The following VWA8 variants were observed in gnomAD, a reference collection of about 807,000 sequenced individuals.
The protein encoded by VWA8 is von Willebrand factor A domain-containing protein 8.
VWA8 carries 221 observed loss-of-function variants against 241.5 expected under a neutral mutation model. The observed-to-expected ratio is 0.91, with a 90% confidence interval of 0.82 to 1.02. The LOEUF (loss-of-function observed/expected upper bound fraction) is 1.02. Ranked by LOEUF, VWA8 falls within the 50% of genes least tolerant of loss-of-function variation. VWA8 has a pLI of 0.00. For synonymous variants in VWA8, 852 were observed against 827.1 expected (o/e 1.03, Z -0.52); for missense variants, 2,322 against 2,328.7 (o/e 1.00, Z 0.06).
chr13:41,605,592 T>A lies in VWA8; in HGVS notation c.4878-316A>T, dbSNP rs986124384. Among the ~76,000 whole-genome samples, 157 of 152,290 alleles carry A rather than the reference T, an allele frequency of 1.0e-3. 1 individual carries two copies. Among genetic ancestry groups the A allele is most frequent in the Non-Finnish European group, 1.2e-4 (8 of 68,014 alleles). On this transcript the variant is annotated intron_variant, in intron 39 of 44. Transcript: ENST00000379310. Reference sequence around the variant, plus strand: ...ATGAACAGTGAGTTGGAAAAAAATGTGCACAATTGACTCTCATGAGCCAGT... The same window carrying A: ...ATGAACAGTGAGTTGGAAAAAAATGAGCACAATTGACTCTCATGAGCCAGT...
At chr13:41,676,061 A>G (rs1040474261) in intron 35 of VWA8, among the ~76,000 whole-genome samples, 5 of 152,262 alleles carry the variant, frequency 3.3e-5, no homozygotes, top group Admixed American at 2.6e-4. Flanking sequence ...CCTAAAGTTT[A>G]AAATCCTGAA....
intron 12 of VWA8, among the ~76,000 whole-genome samples, chr13:41,861,456 A>G (rs1189106625): frequency 6.6e-6 from 1 of 152,208 alleles, no homozygotes; most frequent in African/African-American, 2.4e-5. Flanking sequence ...TCCTAGCCAG[A>G]GTAATCAGGC....
chr13:41,952,419 T>C (rs1341140051), intron 1 of VWA8, among the ~76,000 whole-genome samples: 1 of 152,226 alleles, frequency 6.6e-6, no homozygotes, highest in Non-Finnish European at 1.5e-5. Context: ...AGCTTTTCTT[T>C]TAAAAGATAA....
intron 14 of VWA8, among the ~76,000 whole-genome samples, chr13:41,821,372 CTT>C (rs892571033): frequency 2.6e-5 from 4 of 152,056 alleles, no homozygotes; most frequent in Admixed American, 1.3e-4. Flanking sequence ...TGAGAAGGGC[CTT>C]TTTGTTTGCT....
chr13:41,613,016 G>T (rs766125720), intron 38 of VWA8, among the ~76,000 whole-genome samples: 2 of 152,084 alleles, frequency 1.3e-5, no homozygotes, highest in Admixed American at 1.3e-4. Context: ...ATTAAACAAA[G>T]CCTAGTTACA....
At chr13:41,758,320 CTACTG>C (rs1421540228) in intron 21 of VWA8, among the ~76,000 whole-genome samples, 13 of 139,598 alleles carry the variant, frequency 9.3e-5, no homozygotes, top group Non-Finnish European at 1.7e-4. Flanking sequence ...ATTCTTTATA[CTACTG>C]TAAATAGTAT....
intron 37 of VWA8, among the ~76,000 whole-genome samples, chr13:41,629,790 C>T (rs183995822): frequency 1.8e-4 from 28 of 152,266 alleles, no homozygotes; most frequent in Non-Finnish European, 2.8e-4. Flanking sequence ...CAGGTAGCTT[C>T]TATGTGTTTC....
chr13:41,886,705 A>T, intron 7 of VWA8, 76 bp downstream of exon 7: 1 of 1,192,996 alleles, frequency 8.4e-7, no homozygotes. Flanking sequence ...TGACTGAATT[A>T]ATTAATCAAT....
At chr13:41,680,063 A>G (rs2045088156) in intron 35 of VWA8, among the ~76,000 whole-genome samples, 1 of 151,934 alleles carries the variant, frequency 6.6e-6, no homozygotes, top group African/African-American at 2.4e-5. Flanking sequence ...AAACATTCAT[A>G]TAATTTTGCT....
intron 17 of VWA8, among the ~76,000 whole-genome samples, chr13:41,789,176 C>T (rs577558287): frequency 1.6e-4 from 24 of 152,212 alleles, no homozygotes; most frequent in South Asian, 6.2e-4. Flanking sequence ...ACATATCAGG[C>T]GGTGTAAGGC....
chr13:41,884,598 G>A (rs1375224369), intron 8 of VWA8, among the ~76,000 whole-genome samples: 1 of 149,620 alleles, frequency 6.7e-6, no homozygotes, highest in Non-Finnish European at 1.5e-5. Flanking sequence ...AAAGAAAAAA[G>A]CACATGCAAA....
At chr13:41,732,248 A>C in intron 21 of VWA8, 93 bp from the exon 22 acceptor site, 2 of 1,203,414 alleles carry the variant, frequency 1.7e-6, no homozygotes. Flanking sequence ...TTTTTAAAAG[A>C]TTTTTGTTCA....
At chr13:41,847,101 GAA>G (rs1872323010) in intron 12 of VWA8, among the ~76,000 whole-genome samples, 1 of 152,104 alleles carries the variant, frequency 6.6e-6, no homozygotes. Context: ...TATGAAGAGA[GAA>G]AGAGAGAGAA....
intron 2 of VWA8, among the ~76,000 whole-genome samples, chr13:41,928,690 A>C (rs1224621875): frequency 6.6e-6 from 1 of 152,180 alleles, no homozygotes; most frequent in East Asian, 1.9e-4. Context: ...GAAAAAAAGA[A>C]ATAAACCCAA....
chr13:41,610,765 T>C (rs2044582130), intron 39 of VWA8, among the ~76,000 whole-genome samples: 3 of 152,170 alleles, frequency 2.0e-5, no homozygotes, highest in Admixed American at 6.5e-5. Flanking sequence ...GAAATACTGG[T>C]GGTTCTTTGG....
chr13:41,777,059 T>C (rs1315895092), intron 20 of VWA8, among the ~76,000 whole-genome samples: 2 of 152,160 alleles, frequency 1.3e-5, no homozygotes, highest in East Asian at 1.9e-4. Flanking sequence ...GAAAATTCAA[T>C]AGAGGAAAAT....
intron 17 of VWA8, among the ~76,000 whole-genome samples, chr13:41,791,373 T>C (rs975907153): frequency 2.6e-5 from 4 of 151,928 alleles, no homozygotes; most frequent in Non-Finnish European, 5.9e-5. Context: ...TTTGATTCAG[T>C]GAATATGTAT....
intron 37 of VWA8, among the ~76,000 whole-genome samples, chr13:41,617,711 T>C (rs1208758742): frequency 6.6e-6 from 1 of 152,116 alleles, no homozygotes; most frequent in Non-Finnish European, 1.5e-5. Flanking sequence ...CATTGTTCAA[T>C]TCCTACCTAT....
At chr13:41,725,965 A>G (rs2045429459) in intron 24 of VWA8, among the ~76,000 whole-genome samples, 1 of 152,212 alleles carries the variant, frequency 6.6e-6, no homozygotes, top group Non-Finnish European at 1.5e-5. Context: ...TCCATTGCAA[A>G]CAATGCCTTA....
Sources: allele counts gnomAD v4.1 joint callset (sites outside exome capture counted in the v4.1 genomes callset), GRCh38; gene constraint gnomAD v4.1.1; transcripts MANE v1.5; gene names NCBI Gene and HGNC (gene_info 2026-07-23, HGNC 2026-07-21).